Variants in SLC24A3 observed in about 807,000 individuals in gnomAD.
The protein encoded by SLC24A3 is solute carrier family 24 member 3, also known as sodium/potassium/calcium exchanger 3.
Under a neutral mutation model 75.8 loss-of-function variants are expected in SLC24A3, and 28 were observed. The ratio of observed to expected loss-of-function variants is 0.37; its 90% CI spans 0.27 to 0.51. The LOEUF is 0.51. Ranked by LOEUF, SLC24A3 falls within the 20% of genes least tolerant of loss-of-function variation. SLC24A3 has a pLI of 0.94. For missense variants in SLC24A3, 663 were observed against 847.8 expected (o/e 0.78, Z 2.71); for synonymous variants, 372 against 334.1 (o/e 1.11, Z -1.24).
intron 3 of SLC24A3, among the ~76,000 whole-genome samples, chr20:19,548,513 G>A (rs1231917632): frequency 6.6e-6 from 1 of 152,180 alleles, no homozygotes; most frequent in Admixed American, 6.5e-5. Flanking sequence ...AAACTTAGAA[G>A]CTTAAAACAG....
chr20:19,667,765 T>A (rs1195277435), intron 8 of SLC24A3, among the ~76,000 whole-genome samples: 2 of 152,194 alleles, frequency 1.3e-5, no homozygotes, highest in African/African-American at 4.8e-5. Flanking sequence ...CCTCAAAACA[T>A]CTCGGGATAG....
intron 2 of SLC24A3, among the ~76,000 whole-genome samples, chr20:19,357,283 C>T (rs1265193788): frequency 6.6e-6 from 1 of 152,156 alleles, no homozygotes; most frequent in Non-Finnish European, 1.5e-5. Context: ...TCTGCTGACA[C>T]CTTCGGTTTG....
At chr20:19,366,740 GC>G (rs147009860) in intron 2 of SLC24A3, among the ~76,000 whole-genome samples, 1,538 of 152,294 alleles carry the variant, frequency 0.01, 27 homozygotes, top group African/African-American at 0.035. Flanking sequence ...TGACAATTGG[GC>G]CCCATATTGA....
At chr20:19,254,774 A>G (rs529046554) in intron 1 of SLC24A3, among the ~76,000 whole-genome samples, 1 of 152,194 alleles carries the variant, frequency 6.6e-6, no homozygotes, top group Admixed American at 6.5e-5. Context: ...TTCACAGGGA[A>G]GGGTTTCCTG....
intron 2 of SLC24A3, among the ~76,000 whole-genome samples, chr20:19,511,693 C>A (rs2029889726): frequency 6.6e-6 from 1 of 152,110 alleles, no homozygotes; most frequent in African/African-American, 2.4e-5. Flanking sequence ...TAATGCATAT[C>A]TAAAAGGGAA....
chr20:19,505,611 G>A (rs892700658), intron 2 of SLC24A3, among the ~76,000 whole-genome samples: 1 of 152,186 alleles, frequency 6.6e-6, no homozygotes, highest in African/African-American at 2.4e-5. Flanking sequence ...ACCACCGTGA[G>A]CAACCAGAGC....
At chr20:19,527,801 C>T (rs1004120699) in intron 3 of SLC24A3, among the ~76,000 whole-genome samples, 8 of 152,200 alleles carry the variant, frequency 5.3e-5, no homozygotes, top group East Asian at 1.9e-4. Context: ...CTGAGGATCA[C>T]GATGTTCTCC....
intron 8 of SLC24A3, among the ~76,000 whole-genome samples, chr20:19,667,656 G>T (rs151167345): frequency 9.8e-4 from 149 of 152,342 alleles, no homozygotes; most frequent in Non-Finnish European, 1.8e-3. Context: ...GTCAGCCTTA[G>T]AGGGAGCCGT....
chr20:19,706,863 G>T (rs568786979), intron 15 of SLC24A3, among the ~76,000 whole-genome samples: 15 of 152,262 alleles, frequency 9.9e-5, no homozygotes, highest in African/African-American at 3.6e-4. Flanking sequence ...TAGGATGGTT[G>T]TATCTGTTAG....
chr20:19,348,229 G>A (rs1359426420), intron 2 of SLC24A3, among the ~76,000 whole-genome samples: 1 of 152,178 alleles, frequency 6.6e-6, no homozygotes, highest in Non-Finnish European at 1.5e-5. Context: ...CTGGCAAAAG[G>A]CGTTTCACAC....
chr20:19,508,468 G>A (rs1482884797), intron 2 of SLC24A3, among the ~76,000 whole-genome samples: 1 of 151,226 alleles, frequency 6.6e-6, no homozygotes. Flanking sequence ...TATGTGATGA[G>A]TATGTCTAAA....
intron 1 of SLC24A3, among the ~76,000 whole-genome samples, chr20:19,234,386 G>A (rs981329910): frequency 2.0e-5 from 3 of 152,214 alleles, no homozygotes; most frequent in African/African-American, 7.2e-5. Context: ...CAGCCAGGAG[G>A]TGCTGTGATT....
intron 2 of SLC24A3, among the ~76,000 whole-genome samples, chr20:19,487,096 G>A (rs1988137642): frequency 6.6e-6 from 1 of 152,196 alleles, no homozygotes. Context: ...CTTTATAAGA[G>A]TTTGGAAGAT....
rs60850833 is a variant in SLC24A3, at chr20:19,467,377, A to G, written c.272-48111A>G. On this transcript the variant is annotated intron_variant, in intron 2 of 16. Transcript: ENST00000328041. The stretch of plus-strand genomic sequence containing the variant: ...ATTGTGACAGCATTTCCTGAGACAG[A>G]GAAGACTGGGTTGTACATATAAAGA... Among the ~76,000 whole-genome samples the G allele has an allele frequency of 5.1e-3, 772 of 152,346 alleles. 10 individuals carry two copies. The highest frequency in any genetic ancestry group is 0.018 in the African/African-American group (754 of 41,582).
chr20:19,346,401 A>G (rs941799084), intron 2 of SLC24A3, among the ~76,000 whole-genome samples: 44 of 144,326 alleles, frequency 3.0e-4, no homozygotes, highest in African/African-American at 1.0e-3. Context: ...TATGGTGTAT[A>G]TATATGGTAT....
chr20:19,419,116 G>GA (rs1437328883), intron 2 of SLC24A3, among the ~76,000 whole-genome samples: 2 of 152,226 alleles, frequency 1.3e-5, no homozygotes, highest in African/African-American at 4.8e-5. Flanking sequence ...GTTGATGAGA[G>GA]AAGGTTTCTC....
intron 2 of SLC24A3, among the ~76,000 whole-genome samples, chr20:19,385,685 A>G (rs1245579023): frequency 6.7e-6 from 1 of 150,254 alleles, no homozygotes; most frequent in Non-Finnish European, 1.5e-5. Context: ...TATGTCACCC[A>G]GGTTGGATTG....
chr20:19,232,664 G>A (rs1982056292), intron 1 of SLC24A3, among the ~76,000 whole-genome samples: 1 of 152,234 alleles, frequency 6.6e-6, no homozygotes, highest in Admixed American at 6.5e-5. Flanking sequence ...CCACTGACGA[G>A]GACTCTGGAG....
intron 13 of SLC24A3, 98 bp from the exon 14 acceptor site, chr20:19,696,699 C>A: frequency 2.5e-6 from 2 of 789,564 alleles, no homozygotes; most frequent in South Asian, 1.6e-5. Flanking sequence ...ACAGAGATAG[C>A]CCAGACCATA....
Sources: gnomAD v4.1 joint callset for allele counts (sites outside exome capture counted in the v4.1 genomes callset) on GRCh38, gnomAD v4.1.1 for gene constraint, MANE v1.5 for transcripts, NCBI Gene and HGNC (gene_info 2026-07-23, HGNC 2026-07-21) for gene names.